Variants in PACSIN2 observed in about 807,000 individuals in gnomAD.
PACSIN2 encodes protein kinase C and casein kinase substrate in neurons protein 2.
In PACSIN2, 25 loss-of-function variants were observed where a neutral mutation model predicts 63.8. The observed-to-expected ratio is 0.39, with a 90% confidence interval of 0.29 to 0.55. The LOEUF (loss-of-function observed/expected upper bound fraction) is 0.55, where lower values mean the gene tolerates loss of function less well. PACSIN2 is among the 20% of genes least tolerant of loss of function. The pLI, the probability that PACSIN2 is intolerant of heterozygous loss-of-function variation, is 0.62. For synonymous variants in PACSIN2, 255 were observed against 256.2 expected, an observed-to-expected ratio of 1.00 and a Z score of 0.05; for missense variants, 518 against 646.9, an observed-to-expected ratio of 0.80 and a Z score of 2.16.
intron 1 of PACSIN2, among the ~76,000 whole-genome samples, chr22:42,928,122 A>G (rs1932652763): frequency 7.6e-6 from 1 of 131,418 alleles, no homozygotes. Context: ...CAAGATTTCA[A>G]TCTGACATCC....
rs1248584768 is a variant in PACSIN2 at position 42,891,075 on chromosome 22, A to C, written c.325T>G (p.Phe109Val). Residue 109 changes from phenylalanine (F) to valine (V), a missense_variant, in exon 4 of 11, where the codon TTC (phenylalanine) becomes GTC (valine). Phe to Val is a conservative substitution (Grantham distance 50). Around this residue, in one of 2 missense-constraint regions of PACSIN2, gnomAD observed 507 missense variants for 612.3 expected, o/e 0.83. Coordinates refer to ENST00000263246, the MANE Select transcript of PACSIN2 (RefSeq NM_001184970.3). ...TTCTGCCAGTTCTTGATCTTCTCGA[A>C]GTCATCGTTCATCAGTGAGGCCTTC... is the stretch of plus-strand genomic sequence containing the variant. ...EVKASLMNDD[F>V]EKIKNWQKEA... The C allele has an allele frequency of 1.2e-6, 2 of 1,614,126 alleles. No homozygotes were observed. Among genetic ancestry groups the C allele is most frequent in the Non-Finnish European group, 1.7e-6 (2 of 1,180,010 alleles).
chr22:42,973,205 T>A (rs1921454207), intron 1 of PACSIN2, among the ~76,000 whole-genome samples: 1 of 152,188 alleles, frequency 6.6e-6, no homozygotes, highest in South Asian at 2.1e-4. Flanking sequence ...AGAAGTGGTG[T>A]TTTTAAAACA....
Position 42,876,277 on chromosome 22 carries a change from G to C in PACSIN2, c.1208C>G (p.Ser403Cys). ...SYPTDWSDDE[S>C]NNPFSSTDAN... is the part of the protein sequence containing the mutation. ...ATCCGTGGAGGAGAAGGGGTTGTTA[G>C]ACTCATCGTCTGACCAGTCGGTGGG... The change falls in exon 10 of 11, where the codon TCT becomes TGT. Residue 403 changes from serine (S) to cysteine (C), a missense_variant. Physicochemically the swap from Ser to Cys is moderately radical, Grantham distance 112 (BLOSUM62 -1). This residue lies in a region of PACSIN2 where 507 missense variants were observed against 612.3 expected (regional missense o/e 0.83). Transcript: ENST00000263246. 6.2e-7 allele frequency: 1 copy of C among 1,614,220 alleles called. No individual in the cohort carries two copies. Among genetic ancestry groups the C allele is most frequent in the Non-Finnish European group, 8.5e-7 (1 of 1,180,038 alleles).
intron 1 of PACSIN2, among the ~76,000 whole-genome samples, chr22:42,939,512 G>C (rs1002005059): frequency 2.6e-5 from 4 of 152,206 alleles, no homozygotes; most frequent in African/African-American, 9.6e-5. Flanking sequence ...CCAGAACGAT[G>C]CAACTCCACA....
At chr22:42,981,317 T>A (rs1922097755) in intron 1 of PACSIN2, among the ~76,000 whole-genome samples, 1 of 136,344 alleles carries the variant, frequency 7.3e-6, no homozygotes, top group South Asian at 2.4e-4. Flanking sequence ...GTGAGGAGCG[T>A]CTCCGCCCGG....
chr22:42,932,045 T>C (rs1339200405), intron 1 of PACSIN2, among the ~76,000 whole-genome samples: 2 of 152,098 alleles, frequency 1.3e-5, no homozygotes, highest in East Asian at 3.9e-4. Flanking sequence ...AACCATCACA[T>C]CACTTCAACC....
intron 1 of PACSIN2, among the ~76,000 whole-genome samples, chr22:42,923,777 CT>C (rs1197574291): frequency 6.6e-6 from 1 of 152,174 alleles, no homozygotes; most frequent in Non-Finnish European, 1.5e-5. Context: ...TGGTTCATGC[CT>C]GTAATCCTAG....
chr22:42,978,565 A>C (rs1921863014), intron 1 of PACSIN2, among the ~76,000 whole-genome samples: 1 of 152,022 alleles, frequency 6.6e-6, no homozygotes, highest in Non-Finnish European at 1.5e-5. Context: ...ACTCACATTC[A>C]CCCACCCACA....
At position 42,871,486 on chromosome 22, in the gene PACSIN2, G is replaced by A. The variant is rs376638524; in HGVS notation, c.1349-17C>T. 219 of 1,584,076 alleles carry A rather than the reference G, an allele frequency of 1.4e-4. 1 individual carries two copies. The highest frequency in any genetic ancestry group is 8.3e-4 in the Middle Eastern group (5 of 6,028). ...GCTCATCCCCTGCAAGACAAAGAGG[G>A]AGCCGTCTCCATGAGAGGTATGACA... On this transcript the variant is annotated splice_polypyrimidine_tract_variant and intron_variant, in intron 10 of 10. Coordinates refer to ENST00000263246, the MANE Select transcript of PACSIN2 (RefSeq NM_001184970.3). This position sits in a 1 kb window ranked among gnomAD's most constrained non-coding sequence, Gnocchi z 5.4.
chr22:42,893,317 C>A, intron 3 of PACSIN2, 140 bp downstream of exon 3: 1 of 836,066 alleles, frequency 1.2e-6, no homozygotes, highest in East Asian at 2.6e-5. Context: ...AATCACACCC[C>A]GCTCTGGAAC....
At chr22:42,921,781 C>A (rs182971028) in intron 1 of PACSIN2, among the ~76,000 whole-genome samples, 2 of 151,910 alleles carry the variant, frequency 1.3e-5, no homozygotes, top group East Asian at 3.9e-4. Context: ...TGTCATTGCC[C>A]AGGCTGGAGT....
chr22:42,892,890 G>C lies in PACSIN2; in HGVS notation c.217+567C>G, dbSNP rs574980705. 2.6e-5 allele frequency among the ~76,000 whole-genome samples: 4 copies of C among 152,336 alleles called. No individual in the cohort carries two copies. In the South Asian group the frequency reaches 8.3e-4, roughly 32 times the overall value. On this transcript the variant is annotated intron_variant, in intron 3 of 10. Transcript: ENST00000263246. ...GTAATCAGTCAAGTTCCCCTTCCCT[G>C]CTGGGAAGTGTGTTCTAAGCATGGC...
intron 1 of PACSIN2, chr22:42,993,520 T>C (rs1246399541): frequency 1.3e-5 from 2 of 152,244 alleles, no homozygotes; most frequent in Admixed American, 6.5e-5. Context: ...ACCAGCTCTT[T>C]TCATCAACAT....
chr22:42,999,668 CA>C (rs575750340), intron 1 of PACSIN2, among the ~76,000 whole-genome samples: 28 of 146,298 alleles, frequency 1.9e-4, no homozygotes, highest in Middle Eastern at 3.4e-3. Flanking sequence ...AACTCCATCT[CA>C]AAAAAAAAAA....
intron 3 of PACSIN2, among the ~76,000 whole-genome samples, chr22:42,892,647 T>C (rs141234763): frequency 2.7e-4 from 41 of 152,284 alleles, no homozygotes; most frequent in Middle Eastern, 3.4e-3. Flanking sequence ...CCTGGGCACA[T>C]ACCCTGCCCT....
At chr22:42,965,028 A>C (rs948759493) in intron 1 of PACSIN2, among the ~76,000 whole-genome samples, 4 of 152,220 alleles carry the variant, frequency 2.6e-5, no homozygotes, top group Admixed American at 2.6e-4. Context: ...TAGGTTTGTC[A>C]CACATCTCTA....
Position 42,882,170 on chromosome 22 carries a change from C to T in PACSIN2, c.906+14G>A. On this transcript the variant is annotated intron_variant, in intron 7 of 10. Transcript: ENST00000263246. ...TTCCAGGCTGATGAGCTCATGGGCA[C>T]ACCCTCCTCTTACCTCAAACTGCGG... The T allele has an allele frequency of 1.2e-6, 2 of 1,613,912 alleles. No homozygotes were observed. The highest frequency in any genetic ancestry group is 1.7e-6 in the Non-Finnish European group (2 of 1,179,966).
At chr22:43,005,236 A>G (rs1414515885) in intron 1 of PACSIN2, among the ~76,000 whole-genome samples, 1 of 152,204 alleles carries the variant, frequency 6.6e-6, no homozygotes, top group Non-Finnish European at 1.5e-5. Context: ...GGGATAAGCT[A>G]TCATTACCAG....
intron 1 of PACSIN2, among the ~76,000 whole-genome samples, chr22:43,012,417 G>A (rs1195102308): frequency 6.6e-6 from 1 of 151,606 alleles, no homozygotes; most frequent in East Asian, 1.9e-4. Flanking sequence ...AAAAGTTCAT[G>A]TTATCTCCCT....
Sources: allele counts gnomAD v4.1 joint callset (sites outside exome capture counted in the v4.1 genomes callset), GRCh38; gene constraint gnomAD v4.1.1; regional missense constraint gnomAD v4.1.1; non-coding constraint Gnocchi (gnomAD v3.1); transcripts MANE v1.5; gene names NCBI Gene and HGNC (gene_info 2026-07-23, HGNC 2026-07-21).